The following PCLO variants were observed in gnomAD, a reference collection of about 807,000 sequenced individuals.
PCLO encodes the protein piccolo presynaptic cytomatrix protein.
A neutral mutation model predicts 427.5 loss-of-function variants in PCLO; 82 were observed. The ratio of observed to expected loss-of-function variants is 0.19; its 90% confidence interval spans 0.16 to 0.23. The LOEUF (loss-of-function observed/expected upper bound fraction) is 0.23. PCLO is among the 10% of genes least tolerant of loss of function. The probability of loss-of-function intolerance (pLI) is 1.00; values close to 1 mark genes in which losing one functional copy is unlikely to be tolerated. For missense variants in PCLO, 6,239 were observed against 6,115.9 expected (o/e 1.02, Z -0.67); for synonymous variants, 2,357 against 2,155.4 (o/e 1.09, Z -2.59).
chr7:83,162,331 C>G lies in PCLO; in HGVS notation c.248+14G>C. 6.3e-7 allele frequency: 1 copy of G among 1,590,606 alleles called. No individual in the cohort carries two copies. Among genetic ancestry groups the G allele is most frequent in the South Asian group, 1.1e-5 (1 of 87,994 alleles). ...TACATATATGCCCGGACATATACAT[C>G]ATGCTGTGCATGCCTGTGCATGGAA... On this transcript the variant is annotated intron_variant, in intron 1 of 24. Transcript: ENST00000333891.
At chr7:83,044,738 G>A (rs1329858985) in intron 3 of PCLO, among the ~76,000 whole-genome samples, 2 of 152,080 alleles carry the variant, frequency 1.3e-5, no homozygotes, top group Non-Finnish European at 2.9e-5. Context: ...ACACTAAATC[G>A]CACATGTAAC....
intron 9 of PCLO, among the ~76,000 whole-genome samples, chr7:82,889,054 G>A (rs1793696102): frequency 6.6e-6 from 1 of 151,156 alleles, no homozygotes; most frequent in Non-Finnish European, 1.5e-5. Flanking sequence ...GCCAGTCTGA[G>A]GAACTATTCA....
intron 19 of PCLO, 93 bp from the exon 20 acceptor site, chr7:82,822,782 T>A: frequency 5.9e-6 from 6 of 1,010,354 alleles, no homozygotes; most frequent in Non-Finnish European, 9.2e-6. Context: ...GCCTAAAATT[T>A]ATGTTAATTC....
In PCLO at chr7:82,758,553, T is replaced by C. The variant is rs1790364238; in HGVS notation, c.*22A>G. 4 of 1,601,752 alleles carry C rather than the reference T, an allele frequency of 2.5e-6. No individual in the cohort carries two copies. Among genetic ancestry groups the C allele is most frequent in the African/African-American group, 1.3e-5 (1 of 74,282 alleles). On this transcript the variant is annotated 3_prime_UTR_variant, in exon 25 of 25. Transcript: ENST00000333891. Reference sequence around the variant, plus strand: ...GTGAGGCTATTTAGAGCAGTTTCTATACCCTGAGAAGACATGTTTCTTCAA... The same window carrying C: ...GTGAGGCTATTTAGAGCAGTTTCTACACCCTGAGAAGACATGTTTCTTCAA...
At chr7:83,010,251 C>T (rs1468958269) in intron 3 of PCLO, among the ~76,000 whole-genome samples, 1 of 151,968 alleles carries the variant, frequency 6.6e-6, no homozygotes, top group Non-Finnish European at 1.5e-5. Flanking sequence ...TCGAAATTCA[C>T]ATTTACAACT....
At chr7:82,860,054 A>G (rs1792913561) in intron 10 of PCLO, among the ~76,000 whole-genome samples, 1 of 152,144 alleles carries the variant, frequency 6.6e-6, no homozygotes, top group South Asian at 2.1e-4. Flanking sequence ...AATTTTAAAA[A>G]TAAAGCACAC....
chr7:82,889,673 T>C lies in PCLO; in HGVS notation c.13529-10211A>G, dbSNP rs141731594. 8.2e-3 allele frequency among the ~76,000 whole-genome samples: 1,241 copies of C among 152,254 alleles called. 11 individuals are homozygous for C. Among genetic ancestry groups the C allele is most frequent in the African/African-American group, 0.028 (1,151 of 41,558 alleles). ...AAACATTAAGGCAGCATTTTTTTCA[T>C]TGCAGCATTGTTTATAATAATGGAA... On this transcript the variant is annotated intron_variant, in intron 9 of 24. Transcript: ENST00000333891.
chr7:82,774,571 A>T (rs1214135109), intron 22 of PCLO, among the ~76,000 whole-genome samples: 2 of 152,182 alleles, frequency 1.3e-5, no homozygotes, highest in African/African-American at 4.8e-5. Flanking sequence ...ATACTTTAAT[A>T]ATTTTTTTAA....
chr7:83,154,620 C>A (rs1407189702), intron 2 of PCLO, 128 bp downstream of exon 2: 12 of 729,834 alleles, frequency 1.6e-5, no homozygotes, highest in Non-Finnish European at 2.2e-5. Context: ...GAAAACAAAA[C>A]GAACGAAGGA....
intron 1 of PCLO, among the ~76,000 whole-genome samples, chr7:83,159,940 G>A (rs188505052): frequency 6.6e-6 from 1 of 152,228 alleles, no homozygotes; most frequent in African/African-American, 2.4e-5. Flanking sequence ...CTCCTGGTTT[G>A]TGGGCAGAGG....
At position 82,841,529 on chromosome 7, in the gene PCLO, A is replaced by T; in HGVS notation, c.14047-20T>A. 2 of 1,375,202 alleles carry T rather than the reference A, an allele frequency of 1.5e-6. No homozygotes were observed. Among genetic ancestry groups the T allele is most frequent in the Non-Finnish European group, 2.1e-6 (2 of 966,708 alleles). The allele number at this position is 1,375,202 out of a possible 1,614,324, so 85.2% of individuals were successfully genotyped here. On this transcript the variant is annotated intron_variant, in intron 13 of 24. Coordinates refer to ENST00000333891, the MANE Select transcript of PCLO (RefSeq NM_033026.6). The stretch of plus-strand genomic sequence containing the variant: ...GGTAGGCTGTAATATTAAAGAACAT[A>T]TATTACATTAATAGATACATTTTTC...
At chr7:83,103,397 T>C (rs1457971926) in intron 3 of PCLO, among the ~76,000 whole-genome samples, 5 of 151,898 alleles carry the variant, frequency 3.3e-5, no homozygotes, top group African/African-American at 1.2e-4. Flanking sequence ...AAGCATGATA[T>C]AAAATTTTGA....
At chr7:82,909,884 T>C (rs979265379) in intron 7 of PCLO, among the ~76,000 whole-genome samples, 2 of 152,124 alleles carry the variant, frequency 1.3e-5, no homozygotes, top group South Asian at 4.1e-4. Context: ...TGACAAAATT[T>C]CACAGATTAC....
intron 6 of PCLO, among the ~76,000 whole-genome samples, chr7:82,935,364 G>T (rs1042899601): frequency 1.3e-5 from 2 of 151,082 alleles, no homozygotes; most frequent in Admixed American, 1.3e-4. Flanking sequence ...TCATTGGTTT[G>T]CTGCAAAGAT....
At chr7:82,965,316 C>CTTTTT (rs544516132) in intron 4 of PCLO, among the ~76,000 whole-genome samples, 2 of 123,048 alleles carry the variant, frequency 1.6e-5, no homozygotes, top group African/African-American at 3.1e-5. Flanking sequence ...TTCTTTCTTT[C>CTTTTT]TTTTTTTTTT....
At position 83,056,828 on chromosome 7, in the gene PCLO, C is replaced by T. The variant is rs112875903; in HGVS notation, c.3300+77422G>A. The stretch of plus-strand genomic sequence containing the variant: ...TTAATCCACTGCTCTTTATTTATCA[C>T]TGTCTAGACTACAGGGCCTTCTTCT... On this transcript the variant is annotated intron_variant, in intron 3 of 24. Coordinates refer to ENST00000333891, the MANE Select transcript of PCLO (RefSeq NM_033026.6). 5.0e-3 allele frequency among the ~76,000 whole-genome samples: 768 copies of T among 152,150 alleles called. 2 individuals are homozygous for T. The highest frequency in any genetic ancestry group is 0.017 in the African/African-American group (717 of 41,544).
intron 22 of PCLO, among the ~76,000 whole-genome samples, chr7:82,783,386 G>A (rs1396406436): frequency 1.3e-5 from 2 of 152,016 alleles, no homozygotes; most frequent in South Asian, 4.1e-4. Context: ...AGGCCGAGGC[G>A]AGCGGATCAC....
intron 20 of PCLO, among the ~76,000 whole-genome samples, chr7:82,816,027 G>C (rs986646582): frequency 7.2e-5 from 11 of 151,912 alleles, no homozygotes; most frequent in Non-Finnish European, 5.9e-5. Context: ...GCTTTTTAGT[G>C]ATTCATTATA....
chr7:82,789,119 A>G (rs1791046566), intron 22 of PCLO, among the ~76,000 whole-genome samples: 2 of 152,110 alleles, frequency 1.3e-5, no homozygotes, highest in African/African-American at 4.8e-5. Flanking sequence ...ACAAATCTCA[A>G]TCTGAGACTG....
Sources: allele counts gnomAD v4.1 joint callset (sites outside exome capture counted in the v4.1 genomes callset), GRCh38; gene constraint gnomAD v4.1.1; transcripts MANE v1.5; gene names NCBI Gene and HGNC (gene_info 2026-07-23, HGNC 2026-07-21).